The following SQOR variants were observed in gnomAD, a reference collection of about 807,000 sequenced individuals.
SQOR encodes sulfide quinone oxidoreductase.
SQOR carries 39 observed loss-of-function variants against 48.6 expected under a neutral mutation model. The ratio of observed to expected loss-of-function variants is 0.80; its 90% confidence interval spans 0.62 to 1.05. SQOR has a LOEUF of 1.05. Among genes scored for constraint, SQOR ranks in the 50% least tolerant of loss-of-function variants. The pLI, the probability that SQOR is intolerant of heterozygous loss-of-function variation, is 0.00. For missense variants in SQOR, 561 were observed against 559.9 expected (o/e 1.00, Z -0.02); for synonymous variants, 220 against 206.2 (o/e 1.07, Z -0.57).
intron 5 of SQOR, among the ~76,000 whole-genome samples, chr15:45,675,203 G>T (rs1178574657): frequency 6.6e-6 from 1 of 152,098 alleles, no homozygotes; most frequent in Admixed American, 6.5e-5. Flanking sequence ...TTCCGTCCTG[G>T]AAACTTCTTT....
chr15:45,641,749 C>G (rs1427167336), intron 1 of SQOR, among the ~76,000 whole-genome samples: 1 of 152,338 alleles, frequency 6.6e-6, no homozygotes, highest in African/African-American at 2.4e-5. Flanking sequence ...TTCCTTCTCC[C>G]TCACAGTGCC....
At position 45,640,171 on chromosome 15, in the gene SQOR, T is replaced by C. The variant is rs569689790; in HGVS notation, c.-18+5063T>C. Reference sequence around the variant, plus strand: ...TCCAGACCTGCTTATTAAAGCCTTGTTATTCTTTGCCACAAAAATTCACAT... The same window carrying C: ...TCCAGACCTGCTTATTAAAGCCTTGCTATTCTTTGCCACAAAAATTCACAT... On this transcript the variant is annotated intron_variant, in intron 1 of 9. Transcript: ENST00000260324. Among the ~76,000 whole-genome samples the C allele has an allele frequency of 8.5e-5, 13 of 152,358 alleles. No individual in the cohort carries two copies. In the East Asian group the frequency reaches 9.6e-4, roughly 11 times the overall value.
At chr15:45,687,805 T>G (rs2140964458) in intron 7 of SQOR, among the ~76,000 whole-genome samples, 1 of 152,364 alleles carries the variant, frequency 6.6e-6, no homozygotes, top group Non-Finnish European at 1.5e-5. Context: ...GGTAGATCTA[T>G]ATATCTGTAT....
chr15:45,670,877 A>G (rs1889928163), intron 4 of SQOR, among the ~76,000 whole-genome samples: 2 of 152,214 alleles, frequency 1.3e-5, no homozygotes, highest in Non-Finnish European at 2.9e-5. Flanking sequence ...AGAATGACAG[A>G]CAAGCTATGA....
intron 7 of SQOR, 53 bp from the exon 8 acceptor site, chr15:45,688,284 T>C (rs1298688645): frequency 2.2e-6 from 3 of 1,344,630 alleles, no homozygotes; most frequent in Non-Finnish European, 3.1e-6. Flanking sequence ...AAATTAGTTT[T>C]CATGGAAAAC....
chr15:45,656,944 A>G (rs648773), intron 1 of SQOR, among the ~76,000 whole-genome samples: 100,413 of 151,342 alleles, frequency 0.66, 33,400 homozygotes, highest in Admixed American at 0.74. Context: ...AGCTGGGATT[A>G]CAGGCACACA....
intron 1 of SQOR, among the ~76,000 whole-genome samples, chr15:45,654,646 G>A (rs1016505637): frequency 2.0e-5 from 3 of 152,164 alleles, no homozygotes; most frequent in East Asian, 3.8e-4. Context: ...ATGGTTTATC[G>A]TGTTGCGCCA....
intron 1 of SQOR, among the ~76,000 whole-genome samples, chr15:45,650,315 G>A (rs986035280): frequency 1.5e-4 from 23 of 152,288 alleles, no homozygotes; most frequent in African/African-American, 4.8e-4. Context: ...GTGGACCCTC[G>A]TGGGGAGTGT....
chr15:45,670,160 G>A (rs891884533), intron 4 of SQOR, among the ~76,000 whole-genome samples, 179 bp downstream of exon 4: 6 of 152,178 alleles, frequency 3.9e-5, no homozygotes, highest in Non-Finnish European at 7.3e-5. Flanking sequence ...AGATTCTGTC[G>A]ATAATAACCA....
At chr15:45,687,924 G>T (rs1890251357) in intron 7 of SQOR, among the ~76,000 whole-genome samples, 1 of 152,200 alleles carries the variant, frequency 6.6e-6, no homozygotes, top group Admixed American at 6.5e-5. Flanking sequence ...AGGAAGGCCT[G>T]CTTTGTCTTA....
intron 1 of SQOR, among the ~76,000 whole-genome samples, chr15:45,655,904 C>G (rs904624489): frequency 4.0e-5 from 6 of 151,680 alleles, no homozygotes; most frequent in African/African-American, 1.2e-4. Flanking sequence ...CCAGGATGGT[C>G]TCGATCTCCT....
intron 1 of SQOR, among the ~76,000 whole-genome samples, chr15:45,646,841 A>G (rs140872671): frequency 6.8e-4 from 104 of 152,198 alleles, no homozygotes; most frequent in African/African-American, 2.5e-3. Flanking sequence ...AATATTTTCA[A>G]GCAAATTCCG....
chr15:45,666,353 G>A (rs955629688), intron 3 of SQOR, among the ~76,000 whole-genome samples: 15 of 152,104 alleles, frequency 9.9e-5, no homozygotes, highest in African/African-American at 3.6e-4. Context: ...TTCCTGAAGG[G>A]CAGGAAGTGT....
chr15:45,670,072 A>G lies in SQOR; in HGVS notation c.459+91A>G, dbSNP rs554132994. The G allele has an allele frequency of 1.9e-3, 2,276 of 1,204,460 alleles. 8 individuals are homozygous for G. The highest frequency in any genetic ancestry group is 2.6e-3 in the Admixed American group (137 of 53,582). The allele number at this position is 1,204,460 out of a possible 1,614,324, so 74.6% of individuals were successfully genotyped here. A position where few individuals can be genotyped will look rare whatever the true frequency, so the allele number is the denominator to read the frequency against. ...GTTGCTTTATTATATTCATTTTGAC[A>G]AGAAAGGGGTTCTAAGAAAATCTCT... On this transcript the variant is annotated intron_variant, in intron 4 of 9. Coordinates refer to ENST00000260324, the MANE Select transcript of SQOR (RefSeq NM_021199.4).
chr15:45,676,074 T>C, intron 5 of SQOR, 27 bp from the exon 6 acceptor site: 1 of 1,589,468 alleles, frequency 6.3e-7, no homozygotes, highest in Non-Finnish European at 8.6e-7. Flanking sequence ...CATGCTTTGG[T>C]GTGAATGGTT....
intron 4 of SQOR, among the ~76,000 whole-genome samples, chr15:45,670,855 C>T (rs923359093): frequency 3.9e-5 from 6 of 152,062 alleles, no homozygotes; most frequent in Non-Finnish European, 5.9e-5. Flanking sequence ...TGCCATGGGT[C>T]GTGAGTCTGT....
At chr15:45,667,711 T>C (rs1889858160) in intron 3 of SQOR, among the ~76,000 whole-genome samples, 2 of 152,144 alleles carry the variant, frequency 1.3e-5, no homozygotes, top group South Asian at 4.1e-4. Flanking sequence ...GCATAATCAA[T>C]ATTATTTGCA....
At chr15:45,633,362 T>G (rs1376662475), upstream of SQOR, among the ~76,000 whole-genome samples, 1 of 152,170 alleles carries the variant, frequency 6.6e-6, no homozygotes, top group East Asian at 1.9e-4. Context: ...TATACTTTGT[T>G]TTGTTCAGAG....
At chr15:45,643,023 G>A (rs925898777) in intron 1 of SQOR, among the ~76,000 whole-genome samples, 1 of 152,176 alleles carries the variant, frequency 6.6e-6, no homozygotes, top group Non-Finnish European at 1.5e-5. Context: ...AACACCAGAA[G>A]ATTCTCTTAC....
Sources: allele counts gnomAD v4.1 joint callset (sites outside exome capture counted in the v4.1 genomes callset), GRCh38; gene constraint gnomAD v4.1.1; transcripts MANE v1.5; gene names NCBI Gene and HGNC (gene_info 2026-07-23, HGNC 2026-07-21).